The following BMP2K variants were observed in gnomAD, a reference collection of about 807,000 sequenced individuals.
BMP2K encodes the protein BMP2 inducible kinase, also known as BMP-2-inducible protein kinase.
BMP2K carries 74 observed loss-of-function variants against 116.0 expected under a neutral mutation model. The ratio of observed to expected loss-of-function variants is 0.64; its 90% CI spans 0.53 to 0.77. BMP2K has a LOEUF of 0.77. BMP2K is among the 30% of genes least tolerant of loss of function. The probability of loss-of-function intolerance (pLI) is 0.00; values close to 1 mark genes in which losing one functional copy is unlikely to be tolerated. For synonymous variants in BMP2K, 486 were observed against 502.5 expected, an observed-to-expected ratio of 0.97 and a Z score of 0.44; for missense variants, 1,365 against 1,403.6, an observed-to-expected ratio of 0.97 and a Z score of 0.44.
At chr4:78,842,306 A>G (rs1039736481) in intron 3 of BMP2K, 79 bp from the exon 4 acceptor site, 1 of 1,312,664 alleles carries the variant, frequency 7.6e-7, no homozygotes, top group African/African-American at 1.5e-5. Flanking sequence ...ACTTGAAGCC[A>G]TAAAGACATT....
intron 15 of BMP2K, among the ~76,000 whole-genome samples, chr4:78,898,306 G>A (rs1195424079): frequency 6.6e-6 from 1 of 151,964 alleles, no homozygotes; most frequent in Non-Finnish European, 1.5e-5. Flanking sequence ...AATATTTGTT[G>A]GAACATAACA....
chr4:78,884,587 A>G (rs1449092039), intron 14 of BMP2K, among the ~76,000 whole-genome samples: 1 of 152,178 alleles, frequency 6.6e-6, no homozygotes, highest in Non-Finnish European at 1.5e-5. Context: ...TGTAGTTATC[A>G]TTCTGAGTCA....
chr4:78,833,666 A>T lies in BMP2K; in HGVS notation c.382A>T (p.Ile128Phe). Reference sequence around the variant, plus strand: ...TAGTGATAATGTATGGGAAGTCCTTATCTTAATGGAATATTGTCGAGGTAA... The same window carrying T: ...TAGTGATAATGTATGGGAAGTCCTTTTCTTAATGGAATATTGTCGAGGTAA... ...SISDNVWEVL[I>F]LMEYCRAGQV... is the part of the protein sequence containing the mutation. Residue 128 changes from isoleucine (I) to phenylalanine (F), a missense_variant, in exon 3 of 16, where the codon ATC becomes TTC. By Grantham distance (21) the Ile-to-Phe change is conservative (BLOSUM62 0). This residue lies in a region of BMP2K where 762 missense variants were observed against 756.7 expected (regional missense o/e 1.01). Transcript: ENST00000502613. The T allele has an allele frequency of 6.2e-7, 1 of 1,604,464 alleles. No homozygotes were observed.
rs1325676525 is a variant in BMP2K, at chr4:78,912,031, T to C, written c.3484T>C (p.Ter1162GlnextTer9). 5 of 1,594,402 alleles carry C rather than the reference T, an allele frequency of 3.1e-6. No individual in the cohort carries two copies. The South Asian group carries it at 3.4e-5, about 11-fold the overall frequency. ...FGAAPFPSKQ* is the reference protein window; with the variant it reads ...FGAAPFPSKQQ ...TGCTGCTCCATTTCCTTCTAAACAG[T>C]AGATACTTCTGATGGATTCTCGGCA... The change falls in exon 16 of 16, where the codon TAG becomes CAG. Residue 1162 changes from the stop codon to glutamine (Q), a stop_lost. Transcript: ENST00000502613.
chr4:78,885,393 A>G (rs1366222469), intron 14 of BMP2K, among the ~76,000 whole-genome samples: 2 of 152,182 alleles, frequency 1.3e-5, no homozygotes, highest in Non-Finnish European at 2.9e-5. Context: ...CTGGGGGGCT[A>G]GTTGAAGTGT....
Position 78,911,922 on chromosome 4 carries a change from C to G in BMP2K, c.3375C>G (p.Ala1125=). 1 of 1,613,922 alleles carries G rather than the reference C, an allele frequency of 6.2e-7. No individual in the cohort carries two copies. The highest frequency in any genetic ancestry group is 8.5e-7 in the Non-Finnish European group (1 of 1,179,878). ...TATTGAAAATGGATGATTTTGGTGC[C>G]GTGCCCTTTACAGAACTTGTGGTGC... is the stretch of plus-strand genomic sequence containing the variant. ...ADVLKMDDFG[A]VPFTELVVQS... The change falls in exon 16 of 16, where the codon GCC becomes GCG. Residue 1125 remains alanine (A), a synonymous_variant. Coordinates refer to ENST00000502613, the MANE Select transcript of BMP2K (RefSeq NM_198892.2).
intron 1 of BMP2K, among the ~76,000 whole-genome samples, chr4:78,807,531 A>G (rs1354161558): frequency 1.3e-5 from 2 of 151,854 alleles, no homozygotes; most frequent in Admixed American, 6.6e-5. Flanking sequence ...ATTTATTAGT[A>G]AAGCCATCTA....
At chr4:78,869,471 T>C (rs1201140982) in intron 10 of BMP2K, among the ~76,000 whole-genome samples, 1 of 152,174 alleles carries the variant, frequency 6.6e-6, no homozygotes, top group Admixed American at 6.5e-5. Flanking sequence ...GTAGAATGAC[T>C]AGTTAACAAT....
intron 1 of BMP2K, among the ~76,000 whole-genome samples, chr4:78,824,708 G>C (rs1158838765): frequency 2.6e-5 from 4 of 151,992 alleles, no homozygotes; most frequent in African/African-American, 9.7e-5. Flanking sequence ...ACTTATTATT[G>C]CTCAGGATGC....
At chr4:78,779,079 C>A (rs546758901) in intron 1 of BMP2K, among the ~76,000 whole-genome samples, 1 of 152,060 alleles carries the variant, frequency 6.6e-6, no homozygotes, top group African/African-American at 2.4e-5. Context: ...TAAATCCGTC[C>A]GTCTCTCTGT....
chr4:78,896,304 T>A (rs1339126812), intron 15 of BMP2K, among the ~76,000 whole-genome samples: 1 of 152,164 alleles, frequency 6.6e-6, no homozygotes, highest in Non-Finnish European at 1.5e-5. Flanking sequence ...TCAAAGCATG[T>A]GTATTGAAAA....
chr4:78,801,330 G>A (rs992355935), intron 1 of BMP2K, among the ~76,000 whole-genome samples: 1 of 147,832 alleles, frequency 6.8e-6, no homozygotes, highest in Non-Finnish European at 1.5e-5. Context: ...TTATTGCCTG[G>A]ATGGTTGAAG....
Position 78,826,113 on chromosome 4 carries a change from C to T in BMP2K, c.255C>T (p.Asn85=), listed in dbSNP as rs1729860319. The change falls in exon 2 of 16, where the codon AAC becomes AAT. Residue 85 remains asparagine (N), a synonymous_variant. Transcript: ENST00000502613. ...RCALKRMYVN[N]MPDLNVCKRE... is the part of the protein sequence containing the mutation. ...CATTGAAGCGAATGTATGTCAATAA[C>T]ATGCCAGACCTCAATGTTTGTAAAA... is the stretch of plus-strand genomic sequence containing the variant. 1 of 1,614,024 alleles carries T rather than the reference C, an allele frequency of 6.2e-7. No homozygotes were observed.
chr4:78,866,605 C>T (rs1431522902), intron 10 of BMP2K, among the ~76,000 whole-genome samples: 1 of 152,108 alleles, frequency 6.6e-6, no homozygotes, highest in East Asian at 1.9e-4. Context: ...ACTGTTGTTA[C>T]TATCAAGTAA....
intron 6 of BMP2K, among the ~76,000 whole-genome samples, chr4:78,847,992 A>G (rs1477618709): frequency 1.3e-5 from 2 of 151,664 alleles, no homozygotes; most frequent in African/African-American, 2.4e-5. Context: ...TAGGGTTTGT[A>G]GAAAAGGTCA....
intron 1 of BMP2K, among the ~76,000 whole-genome samples, chr4:78,813,168 G>C (rs920436231): frequency 9.9e-5 from 15 of 152,124 alleles, no homozygotes; most frequent in Admixed American, 8.5e-4. Flanking sequence ...CTGAAACCTT[G>C]CAGTTATTTT....
intron 6 of BMP2K, among the ~76,000 whole-genome samples, chr4:78,849,026 G>A (rs1482547685): frequency 2.0e-5 from 3 of 151,338 alleles, no homozygotes; most frequent in Non-Finnish European, 3.0e-5. Flanking sequence ...ATGTAGTACT[G>A]ATTCAGAGAG....
rs1479668506 is a variant in BMP2K at position 78,776,401 on chromosome 4, G to A, written c.-143G>A. On this transcript the variant is annotated 5_prime_UTR_variant, in exon 1 of 16. Transcript: ENST00000502613. ...GGCGGGGCCCAGGCTGTGCGCTTGG[G>A]GAGCGCGGAATGTGAGGCTTGGCGG... is the stretch of plus-strand genomic sequence containing the variant. 3.6e-6 allele frequency: 3 copies of A among 838,470 alleles called. No homozygotes were observed. Among genetic ancestry groups the A allele is most frequent in the African/African-American group, 3.7e-5 (2 of 54,586 alleles). 51.9% of individuals were successfully genotyped at this position (838,470 alleles called of 1,614,324 possible).
intron 15 of BMP2K, among the ~76,000 whole-genome samples, chr4:78,902,723 T>C (rs1015416199): frequency 6.6e-6 from 1 of 152,118 alleles, no homozygotes; most frequent in Non-Finnish European, 1.5e-5. Context: ...ACCTGTTTTA[T>C]AACTAAAAGA....
Sources: allele counts gnomAD v4.1 joint callset (sites outside exome capture counted in the v4.1 genomes callset), GRCh38; gene constraint gnomAD v4.1.1; regional missense constraint gnomAD v4.1.1; transcripts MANE v1.5; gene names NCBI Gene and HGNC (gene_info 2026-07-23, HGNC 2026-07-21).